Variants in NOS2 observed in about 807,000 individuals in gnomAD.
NOS2 encodes nitric oxide synthase, inducible.
Under a neutral mutation model 136.0 loss-of-function variants are expected in NOS2, and 96 were observed. The ratio of observed to expected loss-of-function variants is 0.71; its 90% CI spans 0.60 to 0.84. NOS2 has a LOEUF of 0.84. NOS2 is among the 40% of genes least tolerant of loss of function. The pLI is 0.00. For synonymous variants in NOS2, 539 were observed against 587.5 expected (o/e 0.92, Z 1.20); for missense variants, 1,237 against 1,496.9 (o/e 0.83, Z 2.87).
Position 27,780,676 on chromosome 17 carries a change from G to C in NOS2, c.1004+91C>G, listed in dbSNP as rs997365926. On this transcript the variant is annotated intron_variant, in intron 9 of 26. Coordinates refer to ENST00000313735, the MANE Select transcript of NOS2 (RefSeq NM_000625.4). ...CACCTGCTGCTGGCTGGGCTTTAGG[G>C]AAGGTATGGGGAAGGCTGGAGCCGC... The C allele has an allele frequency of 5.2e-6, 8 of 1,547,804 alleles. No homozygotes were observed. In the African/African-American group the frequency reaches 6.8e-5, roughly 13 times the overall value.
At chr17:27,778,251 G>A (rs1908723437) in intron 11 of NOS2, among the ~76,000 whole-genome samples, 1 of 152,184 alleles carries the variant, frequency 6.6e-6, no homozygotes, top group South Asian at 2.1e-4. Context: ...CCAGGCTGAA[G>A]CAGTTGGGGG....
chr17:27,794,943 C>A (rs1909308734), intron 2 of NOS2, among the ~76,000 whole-genome samples: 1 of 152,188 alleles, frequency 6.6e-6, no homozygotes, highest in South Asian at 2.1e-4. Flanking sequence ...CCCTCCCTCA[C>A]CTGAGTGGAT....
At chr17:27,757,566 AC>A (rs1907968730) in intron 26 of NOS2, among the ~76,000 whole-genome samples, 1 of 152,130 alleles carries the variant, frequency 6.6e-6, no homozygotes, top group Non-Finnish European at 1.5e-5. Context: ...TACTTAGCAT[AC>A]CCATTTCCTG....
intron 2 of NOS2, chr17:27,793,484 G>A: frequency 2.5e-6 from 1 of 392,696 alleles, no homozygotes; most frequent in Non-Finnish European, 4.5e-6. Flanking sequence ...ATCCCACAGA[G>A]CGCACATCCC....
rs1328920921 is a variant in NOS2, at chr17:27,763,134, A to G, written c.2593-129T>C. 7.4e-6 allele frequency: 5 copies of G among 671,564 alleles called. No individual in the cohort carries two copies. The South Asian group carries it at 7.8e-5, about 10-fold the overall frequency. The allele number at this position is 671,564 out of a possible 1,614,324, so 41.6% of individuals were successfully genotyped here. ...CAAGTCCATGTGCCAGGCACTGTCC[A>G]TGGTGCTGAGACGACCAAACTTGAG... On this transcript the variant is annotated intron_variant, in intron 21 of 26. Coordinates refer to ENST00000313735, the MANE Select transcript of NOS2 (RefSeq NM_000625.4).
intron 25 of NOS2, among the ~76,000 whole-genome samples, chr17:27,759,732 G>A (rs1908052310): frequency 6.6e-6 from 1 of 152,136 alleles, no homozygotes. Flanking sequence ...AGCCAGCCTG[G>A]ACCACCTCTC....
At chr17:27,774,490 G>T (rs748199049) in intron 11 of NOS2, 39 bp from the exon 12 acceptor site, 9 of 1,391,856 alleles carry the variant, frequency 6.5e-6, no homozygotes, top group Non-Finnish European at 8.5e-6. Flanking sequence ...AGATAAGGGT[G>T]GGGGAATCAG....
At chr17:27,783,150 C>G in intron 5 of NOS2, 44 bp from the exon 6 acceptor site, 1 of 1,598,418 alleles carries the variant, frequency 6.3e-7, no homozygotes, top group Non-Finnish European at 8.6e-7. Context: ...ATGAGATGGC[C>G]TTACATGGGG....
chr17:27,765,846 C>T, intron 19 of NOS2, 130 bp from the exon 20 acceptor site: 1 of 1,009,554 alleles, frequency 9.9e-7, no homozygotes, highest in Non-Finnish European at 1.4e-6. Flanking sequence ...AGCTAGGCCA[C>T]CACCCTGAGC....
At chr17:27,759,167 G>A (rs1467608255) in intron 25 of NOS2, 92 bp from the exon 26 acceptor site, 4 of 865,814 alleles carry the variant, frequency 4.6e-6, no homozygotes, top group Non-Finnish European at 5.2e-6. Context: ...CGGGGAGAGG[G>A]GCACTAAGGG....
At chr17:27,773,111 GGA>G (rs1908548317) in intron 13 of NOS2, 48 bp downstream of exon 13, 1 of 1,370,000 alleles carries the variant, frequency 7.3e-7, no homozygotes, top group Admixed American at 1.7e-5. Flanking sequence ...TGACTAGAAG[GGA>G]GAGATATAGT....
At chr17:27,773,906 C>T (rs1014266718) in intron 12 of NOS2, among the ~76,000 whole-genome samples, 13 of 152,122 alleles carry the variant, frequency 8.5e-5, no homozygotes, top group Non-Finnish European at 1.6e-4. Context: ...CACCCAAGAC[C>T]CTATTGCTAG....
intron 12 of NOS2, 103 bp downstream of exon 12, chr17:27,774,154 T>C: frequency 1.2e-6 from 1 of 830,182 alleles, no homozygotes; most frequent in South Asian, 4.1e-5. Context: ...ATACTCCTGC[T>C]TCCCGTCGTG....
At chr17:27,796,550 ACTGGGGAGCTGAGGAAGG>A (rs1909361451) in intron 2 of NOS2, among the ~76,000 whole-genome samples, 1 of 152,208 alleles carries the variant, frequency 6.6e-6, no homozygotes, top group African/African-American at 2.4e-5. Flanking sequence ...ATGCACAGGC[ACTGGGGAGCTGAGGAAGG>A]CTGGGATGGG....
intron 4 of NOS2, 77 bp downstream of exon 4, chr17:27,788,732 A>G (rs1909098916): frequency 1.3e-6 from 2 of 1,544,166 alleles, no homozygotes; most frequent in Admixed American, 1.8e-5. Flanking sequence ...CCAGGGGGAC[A>G]CCTGTTTGAT....
At chr17:27,796,955 G>A (rs1397840042) in intron 2 of NOS2, among the ~76,000 whole-genome samples, 1 of 152,128 alleles carries the variant, frequency 6.6e-6, no homozygotes, top group Non-Finnish European at 1.5e-5. Context: ...CCACACCACA[G>A]CTAGACTGTC....
rs1355991732 is a variant in NOS2 at position 27,781,075 on chromosome 17, G to A, written c.825C>T (p.Gly275=). ...CGTTGGCAGGGTCCCCTCTGATGCT[G>A]CCATCTGGCATCTGGTAGCCAGCAT... The part of the protein sequence containing the change: ...IRYAGYQMPD[G]SIRGDPANVE... Residue 275 remains glycine, a synonymous_variant, in exon 8 of 27, where the codon GGC becomes GGT. Coordinates refer to ENST00000313735, the MANE Select transcript of NOS2 (RefSeq NM_000625.4). 1 of 1,613,786 alleles carries A rather than the reference G, an allele frequency of 6.2e-7. No homozygotes were observed. The highest frequency in any genetic ancestry group is 1.7e-5 in the Admixed American group (1 of 60,026).
chr17:27,786,914 T>G (rs1368200539), intron 5 of NOS2, among the ~76,000 whole-genome samples: 2 of 152,226 alleles, frequency 1.3e-5, no homozygotes, highest in Admixed American at 1.3e-4. Flanking sequence ...ATCTTTGTAT[T>G]CCAGTGTCTG....
chr17:27,779,276 C>A (rs1908764403), intron 9 of NOS2, among the ~76,000 whole-genome samples: 1 of 138,142 alleles, frequency 7.2e-6, no homozygotes, highest in Admixed American at 7.8e-5. Context: ...TCTTGCTCAG[C>A]TAATTTTTTT....
Sources: allele counts gnomAD v4.1 joint callset (sites outside exome capture counted in the v4.1 genomes callset), GRCh38; gene constraint gnomAD v4.1.1; transcripts MANE v1.5; gene names NCBI Gene and HGNC (gene_info 2026-07-23, HGNC 2026-07-21).